The following SFRP2 variants were observed in gnomAD, a reference collection of about 807,000 sequenced individuals.
The protein encoded by SFRP2 is secreted frizzled-related protein 2.
Under a neutral mutation model 26.0 loss-of-function variants are expected in SFRP2, and 16 were observed. That is an observed-to-expected ratio of 0.61 (90% confidence interval 0.42 to 0.93). The LOEUF is 0.93. Ranked by LOEUF, SFRP2 falls within the 40% of genes least tolerant of loss-of-function variation. The pLI is 0.00. For synonymous variants in SFRP2, 173 were observed against 167.3 expected (o/e 1.03, Z -0.26); for missense variants, 343 against 392.4 (o/e 0.87, Z 1.06).
In SFRP2 at chr4:153,788,654, G is replaced by T. The variant is rs1346255421; in HGVS notation, c.182C>A (p.Pro61His). 3 of 1,614,194 alleles carry T rather than the reference G, an allele frequency of 1.9e-6. No individual in the cohort carries two copies. The highest frequency in any genetic ancestry group is 2.5e-6 in the Non-Finnish European group (3 of 1,180,048). Reference protein sequence around the residue: ...HGIEYQNMRLPNLLGHETMKE... With the variant: ...HGIEYQNMRLHNLLGHETMKE... ...CATGGTCTCGTGGCCCAGCAGGTTG[G>T]GCAGCCGCATGTTCTGGTATTCGAT... The change falls in exon 1 of 3, where the codon CCC becomes CAC. Residue 61 changes from proline (P) to histidine (H), a missense_variant. Pro to His is a moderately conservative substitution (Grantham distance 77). Coordinates refer to ENST00000274063, the MANE Select transcript of SFRP2 (RefSeq NM_003013.3).
rs1741103342 is a variant in SFRP2 at position 153,780,613 on chromosome 4, T to A, written c.*838A>T. On this transcript the variant is annotated 3_prime_UTR_variant, in exon 3 of 3. Transcript: ENST00000274063. ...GAATAGGTAAAACAGGATGTAAAGT[T>A]TATATACAAGAATATAATGTTTATC... 6.6e-6 allele frequency: 1 copy of A among 152,668 alleles called. No individual in the cohort carries two copies. Among genetic ancestry groups the A allele is most frequent in the South Asian group, 2.1e-4 (1 of 4,830 alleles). The allele number at this position is 152,668 out of a possible 1,614,324, so 9.5% of individuals were successfully genotyped here.
At chr4:153,781,808 T>G (rs1408836694) in intron 2 of SFRP2, 53 bp from the exon 3 acceptor site, 3 of 1,470,524 alleles carry the variant, frequency 2.0e-6, no homozygotes, top group African/African-American at 1.4e-5. Context: ...GAATACAGTA[T>G]ACCTCCCCCC....
chr4:153,788,854 A>AGGGGGCAGAGGGAGC lies in SFRP2; in HGVS notation c.-34_-20dup. ...GCAGCATCGTGGGCGCGCGACCCCG[A>AGGGGGCAGAGGGAGC]GGGGGCAGAGGGAGCGGAGCCGGGG... On this transcript the variant is annotated 5_prime_UTR_variant, in exon 1 of 3. Coordinates refer to ENST00000274063, the MANE Select transcript of SFRP2 (RefSeq NM_003013.3). 2 of 1,559,768 alleles carry AGGGGGCAGAGGGAGC rather than the reference A, an allele frequency of 1.3e-6. No homozygotes were observed. The highest frequency in any genetic ancestry group is 8.6e-7 in the Non-Finnish European group (1 of 1,159,544).
chr4:153,781,634 C>T lies in SFRP2; in HGVS notation c.705G>A (p.Ser235=), dbSNP rs143701440. The part of the protein sequence containing the change: ...NGVSERDLKK[S]VLWLKDSLQC... ...GCAAGCTGTCTTTGAGCCACAGCAC[C>T]GATTTCTTCAGGTCCCTTTCGGACA... Residue 235 remains serine, a synonymous_variant, in exon 3 of 3, where the codon TCG becomes TCA. Coordinates refer to ENST00000274063, the MANE Select transcript of SFRP2 (RefSeq NM_003013.3). 10 of 1,614,002 alleles carry T rather than the reference C, an allele frequency of 6.2e-6. No individual in the cohort carries two copies. The African/African-American group carries it at 6.7e-5, about 11-fold the overall frequency.
At position 153,788,341 on chromosome 4, in the gene SFRP2, G is replaced by A. The variant is rs1259185838; in HGVS notation, c.495C>T (p.Thr165=). Residue 165 remains threonine, a synonymous_variant, in exon 1 of 3, where the codon ACC becomes ACT. Transcript: ENST00000274063. The stretch of plus-strand genomic sequence containing the variant: ...GCAAGAGGGAAGGCTTACCTTCCTC[G>A]GTGGCTGGCAGGAGGTGGTCGCTGC... ...LASSDHLLPA[T]EEAPKVCEAC... The A allele has an allele frequency of 3.1e-6, 5 of 1,609,726 alleles. No homozygotes were observed. The East Asian group carries it at 6.7e-5, about 22-fold the overall frequency.
Position 153,781,434 on chromosome 4 carries a change from C to T in SFRP2, c.*17G>A, listed in dbSNP as rs372305008. 90 of 1,603,956 alleles carry T rather than the reference C, an allele frequency of 5.6e-5. No individual in the cohort carries two copies. The highest frequency in any genetic ancestry group is 6.7e-5 in the Non-Finnish European group (79 of 1,176,058). ...GTGCTCTGGAGCAGGCCTGTCGGAG[C>T]CATCAGGATGCCGGGACTAGCACTG... On this transcript the variant is annotated 3_prime_UTR_variant, in exon 3 of 3. Coordinates refer to ENST00000274063, the MANE Select transcript of SFRP2 (RefSeq NM_003013.3).
At position 153,788,641 on chromosome 4, in the gene SFRP2, G is replaced by T. The variant is rs756222613; in HGVS notation, c.195C>A (p.Gly65=). The part of the protein sequence containing the change: ...YQNMRLPNLL[G]HETMKEVLEQ... The stretch of plus-strand genomic sequence containing the variant: ...CCAGCACCTCCTTCATGGTCTCGTG[G>T]CCCAGCAGGTTGGGCAGCCGCATGT... Residue 65 remains glycine (G), a synonymous_variant, in exon 1 of 3, where the codon GGC becomes GGA. Transcript: ENST00000274063. 1 of 1,614,210 alleles carries T rather than the reference G, an allele frequency of 6.2e-7. No homozygotes were observed. The highest frequency in any genetic ancestry group is 8.5e-7 in the Non-Finnish European group (1 of 1,180,046).
Position 153,781,404 on chromosome 4 carries a change from C to G in SFRP2, c.*47G>C, listed in dbSNP as rs367648625. 5.6e-4 allele frequency: 870 copies of G among 1,547,326 alleles called. 4 individuals are homozygous for G. Among genetic ancestry groups the G allele is most frequent in the Middle Eastern group, 2.4e-3 (12 of 4,978 alleles). ...GCTGAGATCCCGGAGCAGAAATGGT[C>G]AGCCGTGCTCTGGAGCAGGCCTGTC... On this transcript the variant is annotated 3_prime_UTR_variant, in exon 3 of 3. Coordinates refer to ENST00000274063, the MANE Select transcript of SFRP2 (RefSeq NM_003013.3).
intron 1 of SFRP2, 97 bp from the exon 2 acceptor site, chr4:153,786,041 A>T (rs1741202774): frequency 1.6e-6 from 1 of 624,184 alleles, no homozygotes; most frequent in South Asian, 2.4e-5. Context: ...AGACAAAAGT[A>T]GCAATTGTCC....
At chr4:153,788,111 T>G (rs1741241693) in intron 1 of SFRP2, among the ~76,000 whole-genome samples, 2 of 152,366 alleles carry the variant, frequency 1.3e-5, no homozygotes, top group South Asian at 4.1e-4. Flanking sequence ...TAAGTATAGC[T>G]GGTACAACTC....
Position 153,789,050 on chromosome 4 carries a change from G to A in SFRP2, c.-215C>T, listed in dbSNP as rs1741273566. 3 of 521,078 alleles carry A rather than the reference G, an allele frequency of 5.8e-6. No homozygotes were observed. The highest frequency in any genetic ancestry group is 5.0e-4 in the Middle Eastern group (1 of 1,986). 32.3% of individuals were successfully genotyped at this position (521,078 alleles called of 1,614,324 possible). ...CCCGCGCGCAGCTCCGGGGGGCTCC[G>A]ACCCGGGGGAGCAGAATGAGCCGTT... On this transcript the variant is annotated 5_prime_UTR_variant, in exon 1 of 3. Coordinates refer to ENST00000274063, the MANE Select transcript of SFRP2 (RefSeq NM_003013.3).
rs540665441 is a variant in SFRP2 at position 153,784,444 on chromosome 4, A to C, written c.583+1420T>G. ...CATTTGTGGCTCCTCCTGAGGGGAA[A>C]AGTTGCTAAGGACTTTGAGCTACCT... On this transcript the variant is annotated intron_variant, in intron 2 of 2. Coordinates refer to ENST00000274063, the MANE Select transcript of SFRP2 (RefSeq NM_003013.3). Among the ~76,000 whole-genome samples, 6 of 152,316 alleles carry C rather than the reference A, an allele frequency of 3.9e-5. No individual in the cohort carries two copies. In the South Asian group the frequency reaches 1.2e-3, roughly 32 times the overall value.
At position 153,781,476 on chromosome 4, in the gene SFRP2, C is replaced by T. The variant is rs1459585567; in HGVS notation, c.863G>A (p.Arg288His). The T allele has an allele frequency of 5.6e-6, 9 of 1,613,424 alleles. No individual in the cohort carries two copies. Among genetic ancestry groups the T allele is most frequent in the Admixed American group, 1.7e-5 (1 of 60,024 alleles). The change falls in exon 3 of 3, where the codon CGC becomes CAC. Residue 288 changes from arginine (R) to histidine (H), a missense_variant. Arg to His is a conservative substitution (Grantham distance 29, BLOSUM62 0). Transcript: ENST00000274063. The part of the protein sequence containing the change: ...KGQREFKRIS[R>H]SIRKLQC The stretch of plus-strand genomic sequence containing the variant: ...CTAGCACTGCAGCTTGCGGATGCTG[C>T]GGGAGATGCGCTTGAACTCTCTCTG...
In SFRP2 at chr4:153,784,308, T is replaced by C. The variant is rs527558573; in HGVS notation, c.583+1556A>G. Among the ~76,000 whole-genome samples, 3 of 152,232 alleles carry C rather than the reference T, an allele frequency of 2.0e-5. No homozygotes were observed. The South Asian group carries it at 6.2e-4, about 32-fold the overall frequency. ...TGTAGCATGGGGGCTGAGAACTGTGTTTTGGTAAGGCTCTGGTGATTTGGA... is the reference window on the plus strand; with the variant it reads ...TGTAGCATGGGGGCTGAGAACTGTGCTTTGGTAAGGCTCTGGTGATTTGGA... On this transcript the variant is annotated intron_variant, in intron 2 of 2. Transcript: ENST00000274063.
chr4:153,785,816 A>G, intron 2 of SFRP2, 48 bp downstream of exon 2: 3 of 1,296,030 alleles, frequency 2.3e-6, no homozygotes, highest in Non-Finnish European at 2.2e-6. Flanking sequence ...TTTACTGGTA[A>G]ATAAAACTTC....
Position 153,788,876 on chromosome 4 carries a change from G to C in SFRP2, c.-41C>G. ...CCGAGGGGGCAGAGGGAGCGGAGCC[G>C]GGGAAGGGCGAGGCGGCCGGAGTTC... On this transcript the variant is annotated 5_prime_UTR_variant, in exon 1 of 3. Transcript: ENST00000274063. The C allele has an allele frequency of 6.6e-7, 1 of 1,513,254 alleles. No individual in the cohort carries two copies. The highest frequency in any genetic ancestry group is 8.8e-7 in the Non-Finnish European group (1 of 1,136,632). The allele number at this position is 1,513,254 out of a possible 1,614,324, so 93.7% of individuals were successfully genotyped here.
At chr4:153,781,806 T>C (rs1427463141) in intron 2 of SFRP2, 51 bp from the exon 3 acceptor site, 8 of 1,475,230 alleles carry the variant, frequency 5.4e-6, no homozygotes, top group Non-Finnish European at 7.5e-6. Flanking sequence ...GGGAATACAG[T>C]ATACCTCCCC....
chr4:153,787,452 C>T (rs1167576408), intron 1 of SFRP2, among the ~76,000 whole-genome samples: 2 of 152,202 alleles, frequency 1.3e-5, no homozygotes, highest in Non-Finnish European at 2.9e-5. Context: ...GATTAGGAAG[C>T]TCCCTTTTCC....
chr4:153,786,870 A>G (rs1366437749), intron 1 of SFRP2, among the ~76,000 whole-genome samples: 1 of 152,108 alleles, frequency 6.6e-6, no homozygotes, highest in Non-Finnish European at 1.5e-5. Context: ...AAAAAAAAAA[A>G]AAAGAACAAT....
Sources: allele counts gnomAD v4.1 joint callset (sites outside exome capture counted in the v4.1 genomes callset), GRCh38; gene constraint gnomAD v4.1.1; transcripts MANE v1.5; gene names NCBI Gene and HGNC (gene_info 2026-07-23, HGNC 2026-07-21).